The following RFX3 variants were observed in gnomAD, a reference collection of about 807,000 sequenced individuals.
The protein encoded by RFX3 is regulatory factor X3, also known as transcription factor RFX3.
Under a neutral mutation model 98.6 loss-of-function variants are expected in RFX3, and 14 were observed. The ratio of observed to expected loss-of-function variants is 0.14; its 90% confidence interval spans 0.09 to 0.22. The LOEUF is 0.22. Among genes scored for constraint, RFX3 ranks in the 10% least tolerant of loss-of-function variants. The pLI is 1.00. For synonymous variants in RFX3, 383 were observed against 328.4 expected (o/e 1.17, Z -1.80); for missense variants, 639 against 926.9 (o/e 0.69, Z 4.03).
chr9:3,445,522 C>CA (rs1310757877), intron 1 of RFX3, among the ~76,000 whole-genome samples: 1 of 152,120 alleles, frequency 6.6e-6, no homozygotes, highest in East Asian at 1.9e-4. Flanking sequence ...TCCAATCTTA[C>CA]AAAATCACTC....
intron 9 of RFX3, among the ~76,000 whole-genome samples, chr9:3,272,706 T>A (rs1458201622): frequency 1.3e-5 from 2 of 152,202 alleles, no homozygotes; most frequent in East Asian, 3.8e-4. Context: ...ACCTTATACA[T>A]AATACCTTAT....
At chr9:3,316,649 C>G (rs1830631820) in intron 4 of RFX3, among the ~76,000 whole-genome samples, 3 of 152,192 alleles carry the variant, frequency 2.0e-5, no homozygotes, top group Admixed American at 2.0e-4. Context: ...CCCAAAATCT[C>G]CTTAAGCTGA....
chr9:3,504,101 T>TTCTC (rs148460230), intron 1 of RFX3, among the ~76,000 whole-genome samples: 14 of 137,602 alleles, frequency 1.0e-4, no homozygotes, highest in African/African-American at 1.7e-4. Flanking sequence ...CAATACATCT[T>TTCTC]TCTCTCTCTC....
intron 1 of RFX3, among the ~76,000 whole-genome samples, chr9:3,419,598 G>A (rs557211962): frequency 3.0e-4 from 45 of 152,230 alleles, no homozygotes; most frequent in African/African-American, 1.1e-3. Context: ...TGAGAACTAA[G>A]TGCATGATTA....
At position 3,490,433 on chromosome 9, in the gene RFX3, A is replaced by C. The variant is rs944078249; in HGVS notation, c.-9+35314T>G. The C allele has an allele frequency of 3.7e-5, 9 of 242,352 alleles. 1 individual carries two copies. Among genetic ancestry groups the C allele is most frequent in the Admixed American group, 1.3e-4 (2 of 15,374 alleles). The allele number at this position is 242,352 out of a possible 1,614,324, so 15.0% of individuals were successfully genotyped here. A position where few individuals can be genotyped will look rare whatever the true frequency, so the allele number is the denominator to read the frequency against. On this transcript the variant is annotated intron_variant, in intron 1 of 16. Transcript: ENST00000617270. ...GCCATGTGACTATTTAAAATTATTA[A>C]GTTTATAGATAAGTATTAATTATAT...
At chr9:3,350,208 C>A (rs1403575696) in intron 2 of RFX3, among the ~76,000 whole-genome samples, 1 of 151,992 alleles carries the variant, frequency 6.6e-6, no homozygotes, top group Non-Finnish European at 1.5e-5. Flanking sequence ...AGAATATTTG[C>A]AATACTGATC....
chr9:3,330,704 C>T (rs1403060276), intron 3 of RFX3, among the ~76,000 whole-genome samples, 187 bp from the exon 4 acceptor site: 1 of 152,186 alleles, frequency 6.6e-6, no homozygotes, highest in Non-Finnish European at 1.5e-5. Flanking sequence ...AGGGGCCACT[C>T]ATTTAAATAA....
intron 2 of RFX3, among the ~76,000 whole-genome samples, chr9:3,347,260 G>T (rs1243652323): frequency 2.6e-5 from 4 of 152,030 alleles, no homozygotes; most frequent in Non-Finnish European, 2.9e-5. Flanking sequence ...GGCAGAGGTT[G>T]CAGTGAGCCA....
At position 3,414,482 on chromosome 9, in the gene RFX3, CAT is replaced by C. The variant is rs560058763; in HGVS notation, c.-8-18888_-8-18887del. Among the ~76,000 whole-genome samples, 229 of 150,602 alleles carry C rather than the reference CAT, an allele frequency of 1.5e-3. 1 individual carries two copies. The highest frequency in any genetic ancestry group is 2.7e-3 in the Non-Finnish European group (186 of 67,680). On this transcript the variant is annotated intron_variant, in intron 1 of 16. Coordinates refer to ENST00000617270, the MANE Select transcript of RFX3 (RefSeq NM_001282116.2). ...GGCACACTGCAGTAAATACCACTAA[CAT>C]ATATATATGTGTATATACATATATA... is the stretch of plus-strand genomic sequence containing the variant.
chr9:3,220,027 C>T lies in RFX3; in HGVS notation c.*5015G>A, dbSNP rs1045864049. 4 of 152,182 alleles carry T rather than the reference C, an allele frequency of 2.6e-5. No individual in the cohort carries two copies. Among genetic ancestry groups the T allele is most frequent in the Non-Finnish European group, 2.9e-5 (2 of 68,032 alleles). The allele number at this position is 152,182 out of a possible 1,614,324, so 9.4% of individuals were successfully genotyped here. On this transcript the variant is annotated 3_prime_UTR_variant, in exon 17 of 17. Transcript: ENST00000617270. ...ATCAGCAATGGTGTAAGCAGACTGA[C>T]ATTTAGAGATATCAGAAGCAGTAGT... is the stretch of plus-strand genomic sequence containing the variant.
chr9:3,390,155 C>T (rs1461585166), intron 2 of RFX3, among the ~76,000 whole-genome samples: 1 of 152,150 alleles, frequency 6.6e-6, no homozygotes, highest in Non-Finnish European at 1.5e-5. Context: ...ACCCAAATTT[C>T]ATCTTGAATT....
intron 1 of RFX3, among the ~76,000 whole-genome samples, chr9:3,428,254 C>T (rs183955675): frequency 6.6e-6 from 1 of 152,174 alleles, no homozygotes; most frequent in Non-Finnish European, 1.5e-5. Flanking sequence ...TTCTCTCTCA[C>T]TCTTTCAATT....
chr9:3,256,692 T>C lies in RFX3; in HGVS notation c.1814+299A>G, dbSNP rs1822188521. On this transcript the variant is annotated intron_variant, in intron 14 of 16. Transcript: ENST00000617270. ...AAGAGGGAGGACAGTTGCCCTTTTCTGATTACTGCTGAACACATTATCTAG... is the reference window on the plus strand; with the variant it reads ...AAGAGGGAGGACAGTTGCCCTTTTCCGATTACTGCTGAACACATTATCTAG... 2.0e-5 allele frequency among the ~76,000 whole-genome samples: 3 copies of C among 152,218 alleles called. No individual in the cohort carries two copies. The South Asian group carries it at 6.2e-4, about 32-fold the overall frequency.
At chr9:3,449,415 T>C (rs749876695) in intron 1 of RFX3, among the ~76,000 whole-genome samples, 4 of 152,216 alleles carry the variant, frequency 2.6e-5, no homozygotes, top group Non-Finnish European at 5.9e-5. Flanking sequence ...TTAGAGATGG[T>C]TTCATTTACC....
At chr9:3,354,271 G>A (rs376835030) in intron 2 of RFX3, among the ~76,000 whole-genome samples, 313 of 151,802 alleles carry the variant, frequency 2.1e-3, no homozygotes, top group Middle Eastern at 6.8e-3. Flanking sequence ...TGATAAACAC[G>A]AACAGAAGAA....
At chr9:3,489,348 C>T (rs1850546077) in intron 1 of RFX3, 1 of 807,326 alleles carries the variant, frequency 1.2e-6, no homozygotes, top group African/African-American at 1.9e-5. Flanking sequence ...TCCACCCCAC[C>T]CTGACTCCTG....
chr9:3,505,312 A>AAAATATTTT (rs1816901407), intron 1 of RFX3, among the ~76,000 whole-genome samples: 1 of 78,240 alleles, frequency 1.3e-5, no homozygotes, highest in African/African-American at 7.5e-5. Context: ...ATATAAATAT[A>AAAATATTTT]TATTAATGTA....
chr9:3,321,565 T>C (rs1400703498), intron 4 of RFX3, among the ~76,000 whole-genome samples: 3 of 152,234 alleles, frequency 2.0e-5, no homozygotes, highest in Non-Finnish European at 4.4e-5. Context: ...TTTTTTCTGA[T>C]GAATTTGTAA....
chr9:3,428,768 A>G (rs558774684), intron 1 of RFX3, among the ~76,000 whole-genome samples: 1 of 152,312 alleles, frequency 6.6e-6, no homozygotes, highest in East Asian at 1.9e-4. Flanking sequence ...CAAAGTAAAT[A>G]AAAGAAAGTT....
Sources: allele counts gnomAD v4.1 joint callset (sites outside exome capture counted in the v4.1 genomes callset), GRCh38; gene constraint gnomAD v4.1.1; transcripts MANE v1.5; gene names NCBI Gene and HGNC (gene_info 2026-07-23, HGNC 2026-07-21).